DSCAM: variants seen among roughly 807,000 people sequenced by gnomAD.
DSCAM encodes the protein cell adhesion molecule DSCAM.
DSCAM carries 47 observed loss-of-function variants against 217.7 expected under a neutral mutation model. The ratio of observed to expected loss-of-function variants is 0.22; its 90% CI spans 0.17 to 0.28. The LOEUF (loss-of-function observed/expected upper bound fraction) is 0.28. Ranked by LOEUF, DSCAM falls within the 10% of genes least tolerant of loss-of-function variation. The pLI is 1.00. For synonymous variants in DSCAM, 1,056 were observed against 1,015.3 expected (o/e 1.04, Z -0.76); for missense variants, 2,080 against 2,618.3 (o/e 0.79, Z 4.49).
At chr21:40,201,173 C>T (rs930744358) in intron 11 of DSCAM, among the ~76,000 whole-genome samples, 4 of 152,122 alleles carry the variant, frequency 2.6e-5, no homozygotes, top group Non-Finnish European at 4.4e-5. Context: ...GCAGCTTTTC[C>T]AGGCCCTTAT....
chr21:40,374,460 G>T (rs1408168383), intron 3 of DSCAM, among the ~76,000 whole-genome samples: 1 of 152,112 alleles, frequency 6.6e-6, no homozygotes, highest in Non-Finnish European at 1.5e-5. Flanking sequence ...TCATAATTCT[G>T]CCATTTGGAG....
At chr21:40,328,750 A>AAGGTT (rs1313415815) in intron 8 of DSCAM, among the ~76,000 whole-genome samples, 2 of 152,226 alleles carry the variant, frequency 1.3e-5, no homozygotes, top group Non-Finnish European at 2.9e-5. Flanking sequence ...CATCTGATAA[A>AAGGTT]AGGTTACTAT....
At chr21:40,313,405 C>T (rs1378363980) in intron 8 of DSCAM, among the ~76,000 whole-genome samples, 3 of 152,198 alleles carry the variant, frequency 2.0e-5, no homozygotes, top group Non-Finnish European at 2.9e-5. Flanking sequence ...CTGGAAAGCT[C>T]TTTCCTGATT....
In DSCAM at chr21:40,011,919, G is replaced by A. The variant is rs1241992345; in HGVS notation, c.*1115C>T. ...ATTTCAGACTCCAGAGCACGGGTCT[G>A]GCAAATGTTTCCTGTAATGGGCCAG... On this transcript the variant is annotated 3_prime_UTR_variant, in exon 33 of 33. Transcript: ENST00000400454. 6.7e-6 allele frequency: 1 copy of A among 148,502 alleles called. No individual in the cohort carries two copies. Among genetic ancestry groups the A allele is most frequent in the African/African-American group, 2.5e-5 (1 of 39,838 alleles). The allele number at this position is 148,502 out of a possible 1,614,324, so 9.2% of individuals were successfully genotyped here.
intron 21 of DSCAM, among the ~76,000 whole-genome samples, chr21:40,090,687 A>G (rs1385999171): frequency 6.6e-6 from 1 of 151,650 alleles, no homozygotes; most frequent in Non-Finnish European, 1.5e-5. Flanking sequence ...CTGCACCTTC[A>G]TCTCTCCTCC....
chr21:40,716,540 C>T (rs1197225824), intron 1 of DSCAM, among the ~76,000 whole-genome samples: 1 of 152,204 alleles, frequency 6.6e-6, no homozygotes, highest in Non-Finnish European at 1.5e-5. Context: ...AGAATTGTTT[C>T]TTCAGTTGCA....
chr21:40,706,859 T>C (rs1457116897), intron 2 of DSCAM, among the ~76,000 whole-genome samples: 14 of 152,300 alleles, frequency 9.2e-5, no homozygotes, highest in Admixed American at 7.8e-4. Flanking sequence ...TGACTGCCCA[T>C]CTTATATGTT....
chr21:40,375,685 T>C (rs2074943373), intron 3 of DSCAM, among the ~76,000 whole-genome samples: 1 of 152,216 alleles, frequency 6.6e-6, no homozygotes, highest in South Asian at 2.1e-4. Context: ...TTTTGTCTTG[T>C]TCAACATTTC....
intron 3 of DSCAM, among the ~76,000 whole-genome samples, chr21:40,419,169 G>T (rs1220616124): frequency 6.7e-6 from 1 of 148,172 alleles, no homozygotes; most frequent in African/African-American, 2.5e-5. Flanking sequence ...TTTTAGTAGA[G>T]ATGGGGTTTC....
chr21:40,028,822 G>A lies in DSCAM; in HGVS notation c.5686+13549C>T, dbSNP rs2088456256. Among the ~76,000 whole-genome samples, 4 of 152,338 alleles carry A rather than the reference G, an allele frequency of 2.6e-5. No homozygotes were observed. The South Asian group carries it at 8.3e-4, about 32-fold the overall frequency. On this transcript the variant is annotated intron_variant, in intron 32 of 32. Coordinates refer to ENST00000400454, the MANE Select transcript of DSCAM (RefSeq NM_001389.5). ...TGCGTCGCTCACGCTGGGAGCTGCA[G>A]ACCGGAGCTGTTCCTATTCGCACTT...
At chr21:40,401,397 ATT>A (rs112983603) in intron 3 of DSCAM, among the ~76,000 whole-genome samples, 2 of 151,502 alleles carry the variant, frequency 1.3e-5, no homozygotes, top group African/African-American at 2.4e-5. Context: ...ATAAAATTGG[ATT>A]TTTTTTTCTG....
chr21:40,379,663 G>A (rs1218606050), intron 3 of DSCAM, among the ~76,000 whole-genome samples: 2 of 152,172 alleles, frequency 1.3e-5, no homozygotes. Context: ...CCTCAAAATG[G>A]CAGTTGCCTC....
intron 3 of DSCAM, among the ~76,000 whole-genome samples, chr21:40,623,515 T>A (rs1601799043): frequency 6.6e-6 from 1 of 152,210 alleles, no homozygotes; most frequent in Admixed American, 6.5e-5. Context: ...CTAACACTCA[T>A]TACATTTTCA....
At chr21:40,379,667 T>C (rs943971108) in intron 3 of DSCAM, among the ~76,000 whole-genome samples, 1 of 152,162 alleles carries the variant, frequency 6.6e-6, no homozygotes, top group East Asian at 1.9e-4. Flanking sequence ...AAAATGGCAG[T>C]TGCCTCTCTG....
intron 3 of DSCAM, among the ~76,000 whole-genome samples, chr21:40,536,069 A>G (rs944670762): frequency 6.6e-6 from 1 of 152,224 alleles, no homozygotes; most frequent in African/African-American, 2.4e-5. Flanking sequence ...ACATCTCTGA[A>G]TGGTGAACCT....
At chr21:40,082,321 G>C (rs902418462) in intron 24 of DSCAM, among the ~76,000 whole-genome samples, 1 of 152,156 alleles carries the variant, frequency 6.6e-6, no homozygotes, top group Non-Finnish European at 1.5e-5. Flanking sequence ...TCAGTCGGAC[G>C]TGGTGACACG....
At chr21:40,021,625 T>G (rs1228686663) in intron 32 of DSCAM, among the ~76,000 whole-genome samples, 1 of 152,228 alleles carries the variant, frequency 6.6e-6, no homozygotes, top group African/African-American at 2.4e-5. Context: ...CATTTTGCTT[T>G]CTTATTTGAC....
chr21:40,709,062 C>A (rs1345789087), intron 1 of DSCAM, among the ~76,000 whole-genome samples: 1 of 152,204 alleles, frequency 6.6e-6, no homozygotes, highest in Non-Finnish European at 1.5e-5. Context: ...TCTCTCCCCA[C>A]ACTGACCACC....
chr21:40,303,820 T>G (rs1038324403), intron 9 of DSCAM, among the ~76,000 whole-genome samples: 11 of 152,212 alleles, frequency 7.2e-5, no homozygotes, highest in African/African-American at 2.4e-4. Context: ...CCAATGTGCT[T>G]GTTTCTCTAT....
Sources: allele counts gnomAD v4.1 joint callset (sites outside exome capture counted in the v4.1 genomes callset), GRCh38; gene constraint gnomAD v4.1.1; transcripts MANE v1.5; gene names NCBI Gene and HGNC (gene_info 2026-07-23, HGNC 2026-07-21).